The following FARS2 variants were observed in gnomAD, a reference collection of about 807,000 sequenced individuals.
The protein encoded by FARS2 is phenylalanine--tRNA ligase, mitochondrial.
Under a neutral mutation model 46.4 loss-of-function variants are expected in FARS2, and 40 were observed. That is an observed-to-expected ratio of 0.86 (90% CI 0.67 to 1.12). The LOEUF (loss-of-function observed/expected upper bound fraction) is 1.12. FARS2 is among the 50% of genes most tolerant of loss of function. FARS2 has a pLI of 0.00. For synonymous variants in FARS2, 234 were observed against 214.9 expected (o/e 1.09, Z -0.78); for missense variants, 513 against 567.9 (o/e 0.90, Z 0.98).
At chr6:5,527,693 A>G (rs970675163) in intron 4 of FARS2, among the ~76,000 whole-genome samples, 2 of 152,132 alleles carry the variant, frequency 1.3e-5, no homozygotes, top group Non-Finnish European at 2.9e-5. Flanking sequence ...AATTTGGGGG[A>G]ATATATTGTT....
intron 6 of FARS2, among the ~76,000 whole-genome samples, chr6:5,736,413 C>G (rs538331945): frequency 2.0e-5 from 3 of 152,294 alleles, no homozygotes; most frequent in African/African-American, 7.2e-5. Flanking sequence ...GGGGGCATCT[C>G]TGGAGATTGC....
chr6:5,341,211 ATATATATATATATATATATATATATTT>A (rs1561969745), intron 1 of FARS2, among the ~76,000 whole-genome samples: 2 of 5,876 alleles, frequency 3.4e-4, no homozygotes, highest in African/African-American at 9.6e-4. Flanking sequence ...ATATATATAT[ATATATATATATATATATATATATATTT>A]TTTTTTTTTT....
At chr6:5,498,633 T>C (rs1407126741) in intron 4 of FARS2, among the ~76,000 whole-genome samples, 1 of 152,172 alleles carries the variant, frequency 6.6e-6, no homozygotes, top group Non-Finnish European at 1.5e-5. Flanking sequence ...GTTTTTAGTT[T>C]ACACAAAAAG....
intron 5 of FARS2, among the ~76,000 whole-genome samples, chr6:5,580,519 G>C (rs1773270513): frequency 1.3e-5 from 2 of 152,066 alleles, no homozygotes; most frequent in Admixed American, 1.3e-4. Flanking sequence ...CCCACCTAAA[G>C]CCCAGATACC....
intron 5 of FARS2, among the ~76,000 whole-genome samples, chr6:5,571,785 A>G (rs1251707591): frequency 6.6e-6 from 1 of 151,864 alleles, no homozygotes; most frequent in East Asian, 1.9e-4. Context: ...TCATCCCACG[A>G]TCTTCTACTC....
chr6:5,511,162 A>T (rs1768429027), intron 4 of FARS2, among the ~76,000 whole-genome samples: 1 of 152,226 alleles, frequency 6.6e-6, no homozygotes, highest in Non-Finnish European at 1.5e-5. Context: ...AGAGGGACAG[A>T]AGTAAGAACA....
At chr6:5,361,612 G>A (rs1758308336) in intron 1 of FARS2, among the ~76,000 whole-genome samples, 1 of 152,202 alleles carries the variant, frequency 6.6e-6, no homozygotes, top group East Asian at 1.9e-4. Context: ...ACTTGGCTTT[G>A]TATCAGTAGA....
At chr6:5,626,275 G>A (rs1320724694) in intron 6 of FARS2, among the ~76,000 whole-genome samples, 1 of 152,102 alleles carries the variant, frequency 6.6e-6, no homozygotes, top group South Asian at 2.1e-4. Context: ...ATGAGGGTAC[G>A]TAATAATGTT....
rs559499952 is a variant in FARS2, at chr6:5,407,122, C to G, written c.772+2421C>G. On this transcript the variant is annotated intron_variant, in intron 3 of 6. Transcript: ENST00000274680. ...GTCTTTATTAGTAATCAGGGAAAAACAAAACCACAAAGAGCTTTTTCAAAT... is the reference window on the plus strand; with the variant it reads ...GTCTTTATTAGTAATCAGGGAAAAAGAAAACCACAAAGAGCTTTTTCAAAT... 2.9e-5 allele frequency among the ~76,000 whole-genome samples: 4 copies of G among 138,790 alleles called. No individual in the cohort carries two copies. The South Asian group carries it at 7.1e-4, about 25-fold the overall frequency. 91.1% of individuals were successfully genotyped at this position (138,790 alleles called of 152,430 possible).
intron 4 of FARS2, among the ~76,000 whole-genome samples, chr6:5,461,195 C>G (rs1323082424): frequency 6.6e-6 from 1 of 152,048 alleles, no homozygotes; most frequent in Non-Finnish European, 1.5e-5. Context: ...TGCACCATCA[C>G]GCCTGGCTAA....
rs1428615349 is a variant in FARS2, at chr6:5,733,145, C to T, written c.1218-38146C>T. ...AAAAAATCCTACCCTTCTGCCTCTGCGGAGATTGAAATTAGATTTTTGAAG... is the reference window on the plus strand; with the variant it reads ...AAAAAATCCTACCCTTCTGCCTCTGTGGAGATTGAAATTAGATTTTTGAAG... On this transcript the variant is annotated intron_variant, in intron 6 of 6. Coordinates refer to ENST00000274680, the MANE Select transcript of FARS2 (RefSeq NM_006567.5). Among the ~76,000 whole-genome samples the T allele has an allele frequency of 2.0e-5, 3 of 152,250 alleles. No individual in the cohort carries two copies. In the East Asian group the frequency reaches 5.8e-4, roughly 29 times the overall value.
At chr6:5,505,609 C>A (rs1439031269) in intron 4 of FARS2, among the ~76,000 whole-genome samples, 1 of 152,208 alleles carries the variant, frequency 6.6e-6, no homozygotes, top group Non-Finnish European at 1.5e-5. Flanking sequence ...CGTTCTTCTG[C>A]CATGGCTTCA....
chr6:5,268,714 AAGT>A (rs1307898640), intron 1 of FARS2, among the ~76,000 whole-genome samples: 6 of 152,112 alleles, frequency 3.9e-5, no homozygotes, highest in Non-Finnish European at 8.8e-5. Flanking sequence ...ATGAACTTTA[AAGT>A]AGTTTTTTCC....
chr6:5,276,546 C>T (rs1413286427), intron 1 of FARS2, among the ~76,000 whole-genome samples: 2 of 152,172 alleles, frequency 1.3e-5, no homozygotes, highest in Non-Finnish European at 2.9e-5. Flanking sequence ...AATCTGCATA[C>T]CCTTGTGAAT....
rs764899601 is a variant in FARS2 at position 5,327,955 on chromosome 6, TA to T, written c.-21-40594del. Among the ~76,000 whole-genome samples the T allele has an allele frequency of 5.3e-5, 8 of 152,348 alleles. No homozygotes were observed. The East Asian group carries it at 1.5e-3, about 29-fold the overall frequency. On this transcript the variant is annotated intron_variant, in intron 1 of 6. Transcript: ENST00000274680. ...CACATTATTGAAATGACATGCTGACTACTGGTGTGTACAGATGACTTTCAAT... is the reference window on the plus strand; with the variant it reads ...CACATTATTGAAATGACATGCTGACTCTGGTGTGTACAGATGACTTTCAAT...
At chr6:5,504,151 G>A (rs1161162149) in intron 4 of FARS2, among the ~76,000 whole-genome samples, 3 of 152,066 alleles carry the variant, frequency 2.0e-5, no homozygotes, top group African/African-American at 7.2e-5. Context: ...TTTCAAAATT[G>A]TATAATTTTT....
At chr6:5,456,033 G>A (rs189916) in intron 4 of FARS2, among the ~76,000 whole-genome samples, 64,007 of 151,812 alleles carry the variant, frequency 0.42, 14,035 homozygotes, top group East Asian at 0.56. Flanking sequence ...CCAGGGAAAC[G>A]TGGTGAAACC....
intron 4 of FARS2, 82 bp from the exon 5 acceptor site, chr6:5,545,098 C>T (rs1770878994): frequency 1.3e-5 from 17 of 1,350,798 alleles, no homozygotes; most frequent in Non-Finnish European, 1.8e-5. Flanking sequence ...TAATTAGTGT[C>T]ACTGATAACT....
rs139740288 is a variant in FARS2 at position 5,417,746 on chromosome 6, T to C, written c.772+13045T>C. ...TTCTTCAGATTTCTTATGTTTGGAA[T>C]TGGTTGAGCTTCTTGGATTTATATT... On this transcript the variant is annotated intron_variant, in intron 3 of 6. Coordinates refer to ENST00000274680, the MANE Select transcript of FARS2 (RefSeq NM_006567.5). Among the ~76,000 whole-genome samples the C allele has an allele frequency of 4.0e-3, 611 of 152,352 alleles. 7 individuals carry two copies. Among genetic ancestry groups the C allele is most frequent in the Non-Finnish European group, 6.2e-3 (419 of 68,032 alleles).
Sources: allele counts gnomAD v4.1 joint callset (sites outside exome capture counted in the v4.1 genomes callset), GRCh38; gene constraint gnomAD v4.1.1; transcripts MANE v1.5; gene names NCBI Gene and HGNC (gene_info 2026-07-23, HGNC 2026-07-21).